PGM5: variants seen among roughly 807,000 people sequenced by gnomAD.
PGM5 encodes phosphoglucomutase-like protein 5.
Under a neutral mutation model 59.2 loss-of-function variants are expected in PGM5, and 23 were observed. The observed-to-expected ratio is 0.39, with a 90% CI of 0.28 to 0.55. The LOEUF (loss-of-function observed/expected upper bound fraction) is 0.55. Among genes scored for constraint, PGM5 ranks in the 20% least tolerant of loss-of-function variants. The probability of loss-of-function intolerance (pLI) is 0.66; values close to 1 mark genes in which losing one functional copy is unlikely to be tolerated. For missense variants in PGM5, 574 were observed against 748.3 expected, an observed-to-expected ratio of 0.77 and a Z score of 2.72; for synonymous variants, 214 against 286.0, an observed-to-expected ratio of 0.75 and a Z score of 2.54.
At chr9:68,399,681 T>C (rs1280646351) in intron 6 of PGM5, among the ~76,000 whole-genome samples, 2 of 152,064 alleles carry the variant, frequency 1.3e-5, no homozygotes, top group African/African-American at 4.8e-5. Context: ...TCTGATGAAT[T>C]TGCGGAAGTT....
At chr9:68,525,429 A>G (rs921422395) in intron 10 of PGM5, among the ~76,000 whole-genome samples, 2 of 152,364 alleles carry the variant, frequency 1.3e-5, no homozygotes, top group Non-Finnish European at 1.5e-5. Flanking sequence ...TGTCAACAAC[A>G]GACCACATAT....
At chr9:68,363,015 T>G (rs1480890730) in intron 1 of PGM5, among the ~76,000 whole-genome samples, 1 of 151,782 alleles carries the variant, frequency 6.6e-6, no homozygotes, top group Non-Finnish European at 1.5e-5. Context: ...GTTACAGGCA[T>G]GCACCACCAC....
At chr9:68,520,348 G>GGA (rs1204203514) in intron 10 of PGM5, among the ~76,000 whole-genome samples, 2 of 151,664 alleles carry the variant, frequency 1.3e-5, no homozygotes, top group Non-Finnish European at 2.9e-5. Flanking sequence ...AAAAAAAGAG[G>GGA]GAGAGAGAGA....
At chr9:68,472,415 C>T (rs1423713104) in intron 7 of PGM5, among the ~76,000 whole-genome samples, 3 of 144,158 alleles carry the variant, frequency 2.1e-5, no homozygotes, top group Non-Finnish European at 3.0e-5. Context: ...GGAGAATGGT[C>T]TCATGTAAAC....
intron 10 of PGM5, among the ~76,000 whole-genome samples, chr9:68,521,330 A>C (rs1824896727): frequency 6.6e-6 from 1 of 152,256 alleles, no homozygotes; most frequent in Non-Finnish European, 1.5e-5. Context: ...AATCCAAGGC[A>C]CAAAGTATAT....
chr9:68,481,693 CAT>C (rs1824198953), intron 8 of PGM5, among the ~76,000 whole-genome samples: 2 of 152,156 alleles, frequency 1.3e-5, no homozygotes, highest in Non-Finnish European at 2.9e-5. Context: ...CAAGAGCTTA[CAT>C]GATAATTACT....
intron 4 of PGM5, among the ~76,000 whole-genome samples, chr9:68,388,965 G>A (rs1822298331): frequency 6.6e-6 from 1 of 151,826 alleles, no homozygotes; most frequent in East Asian, 1.9e-4. Context: ...TTTAATTCTG[G>A]AAAAGTTTTT....
chr9:68,511,174 C>T (rs569491784), intron 10 of PGM5, among the ~76,000 whole-genome samples: 18 of 152,312 alleles, frequency 1.2e-4, no homozygotes, highest in East Asian at 1.9e-4. Flanking sequence ...TTCCAAATTA[C>T]GTCAAAGAAA....
intron 6 of PGM5, among the ~76,000 whole-genome samples, chr9:68,458,098 G>T (rs541659972): frequency 2.0e-4 from 30 of 152,324 alleles, no homozygotes; most frequent in Non-Finnish European, 3.8e-4. Flanking sequence ...AACACAGACA[G>T]TTGTTAATTC....
rs1587809682 is a variant in PGM5 at position 68,437,006 on chromosome 9, T to C, written c.1044-28087T>C. Among the ~76,000 whole-genome samples the C allele has an allele frequency of 6.6e-6, 1 of 152,252 alleles. No homozygotes were observed. The highest frequency in any genetic ancestry group is 1.9e-4 in the East Asian group (1 of 5,200). On this transcript the variant is annotated intron_variant, in intron 6 of 10. Transcript: ENST00000396396. This position sits in a 1 kb window ranked among gnomAD's most constrained non-coding sequence, Gnocchi z 4.1. ...GTATTAATGAATTTCTTCACTAAAA[T>C]TTAAAAATGCCTTTGTATTTATGCA...
At chr9:68,446,315 G>T (rs1823611393) in intron 6 of PGM5, among the ~76,000 whole-genome samples, 2 of 152,204 alleles carry the variant, frequency 1.3e-5, no homozygotes, top group Non-Finnish European at 2.9e-5. Context: ...CATATTATAT[G>T]GTTTACAATG....
At chr9:68,496,258 T>A (rs1400745166) in intron 9 of PGM5, among the ~76,000 whole-genome samples, 1 of 152,226 alleles carries the variant, frequency 6.6e-6, no homozygotes, top group Non-Finnish European at 1.5e-5. Context: ...AGAACATGGC[T>A]CGTGTCTGGG....
At chr9:68,413,812 CA>C (rs1342750743) in intron 6 of PGM5, among the ~76,000 whole-genome samples, 1 of 152,148 alleles carries the variant, frequency 6.6e-6, no homozygotes, top group Non-Finnish European at 1.5e-5. Context: ...CAGCCATATA[CA>C]GAAAAAATAA....
At chr9:68,398,296 G>A (rs1822566360) in intron 6 of PGM5, 1 of 152,096 alleles carries the variant, frequency 6.6e-6, no homozygotes. Flanking sequence ...CTGTATAGCT[G>A]ATTCTGTTAG....
At chr9:68,411,748 C>T (rs1461620370) in intron 6 of PGM5, among the ~76,000 whole-genome samples, 2 of 152,070 alleles carry the variant, frequency 1.3e-5, no homozygotes, top group Non-Finnish European at 2.9e-5. Flanking sequence ...CAAAACAATG[C>T]ATGGAATGCC....
intron 10 of PGM5, among the ~76,000 whole-genome samples, chr9:68,519,260 TA>T (rs1242839883): frequency 2.0e-5 from 3 of 152,166 alleles, no homozygotes; most frequent in Admixed American, 1.3e-4. Flanking sequence ...AAAGAAATGT[TA>T]AAAATAGGAG....
intron 10 of PGM5, among the ~76,000 whole-genome samples, chr9:68,516,652 T>C (rs545608948): frequency 6.6e-6 from 1 of 152,198 alleles, no homozygotes; most frequent in East Asian, 1.9e-4. Flanking sequence ...GCCTTGGCAG[T>C]CCCTCAACAT....
chr9:68,406,686 A>ATATATATATATATGTG (rs1822821899), intron 6 of PGM5, among the ~76,000 whole-genome samples: 3 of 45,918 alleles, frequency 6.5e-5, no homozygotes, highest in African/African-American at 2.7e-4. Context: ...ATGTATATAT[A>ATATATATATATATGTG]TATATATATA....
intron 1 of PGM5, among the ~76,000 whole-genome samples, chr9:68,366,893 A>T (rs1554676741): frequency 6.6e-6 from 1 of 152,250 alleles, no homozygotes; most frequent in Non-Finnish European, 1.5e-5. Context: ...TGATTAAAAT[A>T]AAAGAAGGAC....
Sources: gnomAD v4.1 joint callset for allele counts (sites outside exome capture counted in the v4.1 genomes callset) on GRCh38, gnomAD v4.1.1 for gene constraint, Gnocchi (gnomAD v3.1) non-coding constraint, MANE v1.5 for transcripts, NCBI Gene and HGNC (gene_info 2026-07-23, HGNC 2026-07-21) for gene names.